FAM135A: variants seen among roughly 807,000 people sequenced by gnomAD.
FAM135A encodes protein FAM135A.
Under a neutral mutation model 146.8 loss-of-function variants are expected in FAM135A, and 79 were observed. That is an observed-to-expected ratio of 0.54 (90% CI 0.45 to 0.65). The LOEUF is 0.65. FAM135A is among the 30% of genes least tolerant of loss of function. FAM135A has a pLI of 0.00. For missense variants in FAM135A, 1,623 were observed against 1,758.2 expected (o/e 0.92, Z 1.38); for synonymous variants, 562 against 603.6 (o/e 0.93, Z 1.01).
Position 70,526,493 on chromosome 6 carries a change from T to C in FAM135A, c.3409T>C (p.Tyr1137His), listed in dbSNP as rs1794712833. ...AAAATCTGAAAAAATAAACAGTGAC[T>C]ATCTGAGAGATGGTATAAACATGCC... is the stretch of plus-strand genomic sequence containing the variant. ...LTKSEKINSD[Y>H]LRDGINMPTV... Residue 1137 changes from tyrosine (Y) to histidine (H), a missense_variant, in exon 15 of 22, where the codon TAT (tyrosine) becomes CAT (histidine). By Grantham distance (83) the Tyr-to-His change is moderately conservative. Coordinates refer to ENST00000418814, the MANE Select transcript of FAM135A (RefSeq NM_001162529.3). 1.9e-6 allele frequency: 3 copies of C among 1,613,444 alleles called. No homozygotes were observed. The African/African-American group carries it at 4.0e-5, about 22-fold the overall frequency.
At chr6:70,540,921 C>G (rs924152269) in intron 20 of FAM135A, among the ~76,000 whole-genome samples, 2 of 152,178 alleles carry the variant, frequency 1.3e-5, no homozygotes, top group Admixed American at 1.3e-4. Context: ...TTTCACCTTT[C>G]CTCAAACATC....
At chr6:70,425,420 A>G (rs1477980980) in intron 2 of FAM135A, among the ~76,000 whole-genome samples, 1 of 152,222 alleles carries the variant, frequency 6.6e-6, no homozygotes. Context: ...ATATAAAGAT[A>G]GCATTGTTTG....
chr6:70,547,284 C>T (rs545101324), intron 20 of FAM135A, among the ~76,000 whole-genome samples: 3 of 151,994 alleles, frequency 2.0e-5, no homozygotes, highest in African/African-American at 2.4e-5. Flanking sequence ...TCTGAAAGTG[C>T]GGGAAAGAAC....
intron 20 of FAM135A, 31 bp downstream of exon 20, chr6:70,538,432 A>G: frequency 8.2e-7 from 1 of 1,222,274 alleles, no homozygotes; most frequent in Non-Finnish European, 1.1e-6. Flanking sequence ...TGGAAAATAT[A>G]CATGTGAAAA....
At chr6:70,455,250 G>T (rs1778078953) in intron 5 of FAM135A, among the ~76,000 whole-genome samples, 1 of 152,072 alleles carries the variant, frequency 6.6e-6, no homozygotes, top group Admixed American at 6.6e-5. Context: ...GTATAGGAAT[G>T]CTTGTGATTT....
Position 70,526,790 on chromosome 6 carries a change from CACACACACACACATAT to C in FAM135A, c.3614+94_3614+109del, listed in dbSNP as rs1439268405. 102 of 766,218 alleles carry C rather than the reference CACACACACACACATAT, an allele frequency of 1.3e-4. 1 individual carries two copies. The African/African-American group carries it at 1.8e-3, about 14-fold the overall frequency. The allele number at this position is 766,218 out of a possible 1,614,324, so 47.5% of individuals were successfully genotyped here. On this transcript the variant is annotated intron_variant, in intron 15 of 21. Transcript: ENST00000418814. ...ATACACACACACACACACACACACACACACACACACACATATATATATAAAATCATAGATAGTGCTA... is the reference window on the plus strand; with the variant it reads ...ATACACACACACACACACACACACACATATATAAAATCATAGATAGTGCTA...
chr6:70,496,979 G>T (rs952508084), intron 11 of FAM135A, among the ~76,000 whole-genome samples: 1 of 152,014 alleles, frequency 6.6e-6, no homozygotes, highest in Non-Finnish European at 1.5e-5. Context: ...GGATTGTCTT[G>T]GCTATACGGT....
At chr6:70,451,028 C>G (rs1338469920) in intron 4 of FAM135A, among the ~76,000 whole-genome samples, 1 of 152,034 alleles carries the variant, frequency 6.6e-6, no homozygotes, top group Non-Finnish European at 1.5e-5. Flanking sequence ...CAGCCATGAG[C>G]CACCATGTCT....
intron 5 of FAM135A, among the ~76,000 whole-genome samples, chr6:70,464,755 C>T (rs1358161031): frequency 1.5e-5 from 2 of 133,044 alleles, no homozygotes; most frequent in Admixed American, 8.1e-5. Flanking sequence ...CAACCTCCGT[C>T]TTCCCAGTTC....
chr6:70,473,321 C>G (rs2128144827), intron 5 of FAM135A, among the ~76,000 whole-genome samples: 1 of 152,318 alleles, frequency 6.6e-6, no homozygotes, highest in East Asian at 1.9e-4. Flanking sequence ...GTACTAAAGA[C>G]TAACATTTGT....
intron 4 of FAM135A, among the ~76,000 whole-genome samples, chr6:70,441,258 C>T (rs911314146): frequency 4.0e-5 from 6 of 151,726 alleles, no homozygotes; most frequent in East Asian, 3.9e-4. Flanking sequence ...GCCGGTGGCA[C>T]GCACCTATAA....
intron 12 of FAM135A, among the ~76,000 whole-genome samples, chr6:70,518,884 A>G (rs1031803125): frequency 2.0e-5 from 3 of 152,238 alleles, no homozygotes; most frequent in Non-Finnish European, 4.4e-5. Context: ...CAAGGAGATT[A>G]ACGATGTTTC....
intron 5 of FAM135A, among the ~76,000 whole-genome samples, chr6:70,457,343 A>G (rs1482355889): frequency 6.6e-6 from 1 of 152,226 alleles, no homozygotes; most frequent in Non-Finnish European, 1.5e-5. Flanking sequence ...GACTCAGTCA[A>G]GATTCTTTCC....
At chr6:70,454,432 C>A (rs551285355) in intron 5 of FAM135A, among the ~76,000 whole-genome samples, 4 of 152,036 alleles carry the variant, frequency 2.6e-5, no homozygotes, top group African/African-American at 9.7e-5. Context: ...TTTGTCAATT[C>A]TGGCTTTTGT....
At chr6:70,548,299 A>T (rs900730566) in intron 20 of FAM135A, among the ~76,000 whole-genome samples, 3 of 152,226 alleles carry the variant, frequency 2.0e-5, no homozygotes, top group Admixed American at 1.3e-4. Context: ...GTATTAATAC[A>T]CTTTTTTTAA....
intron 10 of FAM135A, among the ~76,000 whole-genome samples, chr6:70,483,651 G>A (rs978118143): frequency 1.3e-5 from 2 of 152,060 alleles, no homozygotes; most frequent in Admixed American, 1.3e-4. Context: ...TGGTGGTTTG[G>A]AAATCAAAAA....
chr6:70,486,028 T>C, intron 10 of FAM135A: 1 of 551,778 alleles, frequency 1.8e-6, no homozygotes, highest in South Asian at 3.6e-5. Context: ...TGTACATCAT[T>C]TGTAATTTTG....
In FAM135A at chr6:70,525,924, T is replaced by A. The variant is rs1181504026; in HGVS notation, c.2840T>A (p.Met947Lys). 1 of 1,613,246 alleles carries A rather than the reference T, an allele frequency of 6.2e-7. No homozygotes were observed. The highest frequency in any genetic ancestry group is 1.3e-5 in the African/African-American group (1 of 74,908). Residue 947 changes from methionine to lysine, a missense_variant, in exon 15 of 22, where the codon ATG becomes AAG. This residue lies in a region of FAM135A where 1,061 missense variants were observed against 1,113.8 expected (regional missense o/e 0.95). Coordinates refer to ENST00000418814, the MANE Select transcript of FAM135A (RefSeq NM_001162529.3). ...AGCTCCAAACCTAACTTGGATACTATGTGTAAAGGCTTCCAGAGTCCTGAT... is the reference window on the plus strand; with the variant it reads ...AGCTCCAAACCTAACTTGGATACTAAGTGTAAAGGCTTCCAGAGTCCTGAT... ...SCSSKPNLDTMCKGFQSPDKS... is the reference protein window; with the variant it reads ...SCSSKPNLDTKCKGFQSPDKS...
chr6:70,463,728 T>G (rs1779864293), intron 5 of FAM135A, among the ~76,000 whole-genome samples: 2 of 152,210 alleles, frequency 1.3e-5, no homozygotes, highest in Non-Finnish European at 2.9e-5. Context: ...TCACTAATCC[T>G]TTACTGTTAT....
Sources: allele counts gnomAD v4.1 joint callset (sites outside exome capture counted in the v4.1 genomes callset), GRCh38; gene constraint gnomAD v4.1.1; regional missense constraint gnomAD v4.1.1; transcripts MANE v1.5; gene names NCBI Gene and HGNC (gene_info 2026-07-23, HGNC 2026-07-21).